The following AFDN variants were observed in gnomAD, a reference collection of about 807,000 sequenced individuals.
AFDN encodes the protein afadin, adherens junction formation factor, also known as afadin.
In AFDN, 68 loss-of-function variants were observed where a neutral mutation model predicts 216.6. That is an observed-to-expected ratio of 0.31 (90% CI 0.26 to 0.38). The LOEUF (loss-of-function observed/expected upper bound fraction) is 0.38, where lower values mean the gene tolerates loss of function less well. Ranked by LOEUF, AFDN falls within the 10% of genes least tolerant of loss-of-function variation. The probability of loss-of-function intolerance (pLI) is 1.00; values close to 1 mark genes in which losing one functional copy is unlikely to be tolerated. For synonymous variants in AFDN, 868 were observed against 853.7 expected (o/e 1.02, Z -0.29); for missense variants, 2,136 against 2,342.0 (o/e 0.91, Z 1.82).
chr6:167,965,145 G>GTT, intron 31 of AFDN: 4 of 805,472 alleles, frequency 5.0e-6, no homozygotes, highest in Non-Finnish European at 6.0e-6. Context: ...GGGAGAATGA[G>GTT]TGTTTTTTTT....
At chr6:167,852,605 C>G (rs928978139) in intron 1 of AFDN, among the ~76,000 whole-genome samples, 5 of 152,068 alleles carry the variant, frequency 3.3e-5, no homozygotes, top group Non-Finnish European at 1.5e-5. Context: ...TACAAAATGG[C>G]GTTTTTCTAA....
chr6:167,829,225 G>T (rs1158449905), intron 1 of AFDN, among the ~76,000 whole-genome samples: 2 of 151,984 alleles, frequency 1.3e-5, no homozygotes, highest in African/African-American at 2.4e-5. Context: ...CCATATATTG[G>T]TTTTTTAGCT....
intron 29 of AFDN, among the ~76,000 whole-genome samples, chr6:167,950,528 T>A (rs1243795723): frequency 6.6e-6 from 1 of 152,202 alleles, no homozygotes; most frequent in African/African-American, 2.4e-5. Context: ...GGAGCGGACG[T>A]ATCGCAGATG....
chr6:167,913,800 G>T (rs1317077430), intron 16 of AFDN: 1 of 389,806 alleles, frequency 2.6e-6, no homozygotes, highest in Non-Finnish European at 4.6e-6. Context: ...ACAAGTATCA[G>T]GGTGGCTGTG....
Position 167,860,720 on chromosome 6 carries a change from C to T in AFDN, c.106-3831C>T, listed in dbSNP as rs567618804. Reference sequence around the variant, plus strand: ...CAGATGTTTCTGCTGCACTGTAGGACAGACAGATGTCTAGACGTGGTGGAT... The same window carrying T: ...CAGATGTTTCTGCTGCACTGTAGGATAGACAGATGTCTAGACGTGGTGGAT... On this transcript the variant is annotated intron_variant, in intron 1 of 33. Coordinates refer to ENST00000683244, the MANE Select transcript of AFDN (RefSeq NM_001386888.1). Among the ~76,000 whole-genome samples the T allele has an allele frequency of 2.0e-5, 3 of 152,312 alleles. No individual in the cohort carries two copies. The East Asian group carries it at 5.8e-4, about 29-fold the overall frequency.
At chr6:167,874,968 A>G (rs926627619) in intron 4 of AFDN, among the ~76,000 whole-genome samples, 5 of 152,106 alleles carry the variant, frequency 3.3e-5, no homozygotes, top group Admixed American at 6.5e-5. Flanking sequence ...ATTCAGTCCT[A>G]TATTTCTTTC....
Position 167,947,579 on chromosome 6 carries a change from C to T in AFDN, c.3554-274C>T, listed in dbSNP as rs142269999. Among the ~76,000 whole-genome samples the T allele has an allele frequency of 1.8e-4, 28 of 152,334 alleles. No individual in the cohort carries two copies. In the East Asian group the frequency reaches 4.6e-3, roughly 25 times the overall value. ...AGGCTCACAAAGCCTAAAGTATTTA[C>T]TTTCTGGCCTATTACCAAAAATGTT... On this transcript the variant is annotated intron_variant, in intron 27 of 33. Coordinates refer to ENST00000683244, the MANE Select transcript of AFDN (RefSeq NM_001386888.1).
intron 23 of AFDN, among the ~76,000 whole-genome samples, chr6:167,931,893 T>G (rs1793348659): frequency 6.6e-6 from 1 of 152,186 alleles, no homozygotes; most frequent in Non-Finnish European, 1.5e-5. Flanking sequence ...GCTGTGCATA[T>G]TCTGCTCCTG....
intron 22 of AFDN, among the ~76,000 whole-genome samples, chr6:167,924,197 G>A (rs1792196193): frequency 6.6e-6 from 1 of 152,024 alleles, no homozygotes; most frequent in Admixed American, 6.5e-5. Context: ...AAAGCCATAT[G>A]TATAATTACC....
At chr6:167,888,013 A>G (rs1401865716) in intron 6 of AFDN, among the ~76,000 whole-genome samples, 1 of 152,158 alleles carries the variant, frequency 6.6e-6, no homozygotes, top group Non-Finnish European at 1.5e-5. Context: ...GTTATTAGAC[A>G]TGAAAGTTGG....
At chr6:167,850,881 TTG>T (rs35799397) in intron 1 of AFDN, among the ~76,000 whole-genome samples, 119,759 of 151,206 alleles carry the variant, frequency 0.79, 47,467 homozygotes, top group Middle Eastern at 0.86. Flanking sequence ...TAATTTTTTA[TTG>T]TGTGTGTGTG....
At chr6:167,844,872 G>GTTTTTTTTTTTTTTTTTTTTTTTTTTTT (rs1289118837) in intron 1 of AFDN, among the ~76,000 whole-genome samples, 4 of 137,402 alleles carry the variant, frequency 2.9e-5, no homozygotes, top group Admixed American at 7.4e-5. Flanking sequence ...TTTTTTTTTG[G>GTTTTTTTTTTTTTTTTTTTTTTTTTTTT]TTTTTGAGAC....
rs1797241815 is a variant in AFDN at position 167,963,512 on chromosome 6, T to G, written c.4968+945T>G. On this transcript the variant is annotated intron_variant, in intron 31 of 33. Transcript: ENST00000683244. ...TCACAGAAAAGAACTTGTAGGGAGT[T>G]TTTTGTAGTGATATGCTCTATTAGG... The G allele has an allele frequency of 3.8e-6, 4 of 1,055,072 alleles. No homozygotes were observed. The Admixed American group carries it at 2.2e-4, about 58-fold the overall frequency. 65.4% of individuals were successfully genotyped at this position (1,055,072 alleles called of 1,614,324 possible). A position where few individuals can be genotyped will look rare whatever the true frequency, so the allele number is the denominator to read the frequency against.
intron 11 of AFDN, 92 bp from the exon 12 acceptor site, chr6:167,902,225 G>T: frequency 1.1e-6 from 1 of 894,846 alleles, no homozygotes; most frequent in Non-Finnish European, 1.8e-6. Flanking sequence ...TTTGACATTT[G>T]GTATTTTAGT....
chr6:167,943,198 A>G lies in AFDN; in HGVS notation c.3165+4A>G. 3 of 1,611,678 alleles carry G rather than the reference A, an allele frequency of 1.9e-6. No homozygotes were observed. The highest frequency in any genetic ancestry group is 2.5e-6 in the Non-Finnish European group (3 of 1,178,486). On this transcript the variant is annotated splice_donor_region_variant and intron_variant, in intron 24 of 33. Coordinates refer to ENST00000683244, the MANE Select transcript of AFDN (RefSeq NM_001386888.1). ...GAAAGGAGGTGCTGCAGATGTGGTC[A>G]GTATCATTTTGAAAGAAGTACATTT...
intron 23 of AFDN, among the ~76,000 whole-genome samples, chr6:167,934,490 T>G (rs1384001874): frequency 6.6e-6 from 1 of 152,166 alleles, no homozygotes; most frequent in Non-Finnish European, 1.5e-5. Context: ...TGACTAGAAG[T>G]AAAGCAGTTG....
intron 6 of AFDN, among the ~76,000 whole-genome samples, chr6:167,885,189 A>G (rs1217228588): frequency 6.6e-6 from 1 of 152,192 alleles, no homozygotes; most frequent in East Asian, 1.9e-4. Flanking sequence ...TCATCTATCC[A>G]GACCATTCAG....
At chr6:167,831,099 A>G (rs774234716) in intron 1 of AFDN, among the ~76,000 whole-genome samples, 20 of 151,852 alleles carry the variant, frequency 1.3e-4, no homozygotes, top group Non-Finnish European at 2.8e-4. Flanking sequence ...GTGCCACAAC[A>G]TCTGGCTAGC....
chr6:167,898,195 C>T lies in AFDN; in HGVS notation c.1318-10C>T, dbSNP rs9346511. ...TGATGGGAGTTTCTTTGGTTTCCTT[C>T]GGTTTCCAGTTGTTTGGCCCAGGAA... On this transcript the variant is annotated splice_polypyrimidine_tract_variant and intron_variant, in intron 10 of 33. Coordinates refer to ENST00000683244, the MANE Select transcript of AFDN (RefSeq NM_001386888.1). 0.35 allele frequency: 560,444 copies of T among 1,610,546 alleles called. 101,639 individuals are homozygous for T. The highest frequency in any genetic ancestry group is 0.61 in the East Asian group (27,425 of 44,796).
Sources: gnomAD v4.1 joint callset for allele counts (sites outside exome capture counted in the v4.1 genomes callset) on GRCh38, gnomAD v4.1.1 for gene constraint, MANE v1.5 for transcripts, NCBI Gene and HGNC (gene_info 2026-07-23, HGNC 2026-07-21) for gene names.